PCDH15: variants seen among roughly 807,000 people sequenced by gnomAD.
PCDH15 encodes protocadherin-15.
PCDH15 carries 129 observed loss-of-function variants against 178.5 expected under a neutral mutation model. The observed-to-expected ratio is 0.72, with a 90% CI of 0.63 to 0.84. PCDH15 has a LOEUF of 0.84. PCDH15 is among the 40% of genes least tolerant of loss of function. PCDH15 has a pLI of 0.00. For missense variants in PCDH15, 2,230 were observed against 2,099.9 expected (o/e 1.06, Z -1.21); for synonymous variants, 800 against 732.0 (o/e 1.09, Z -1.50).
intron 32 of PCDH15, among the ~76,000 whole-genome samples, chr10:53,825,895 A>G (rs1412508699): frequency 3.3e-5 from 5 of 151,540 alleles, no homozygotes; most frequent in Non-Finnish European, 5.9e-5. Flanking sequence ...TTCAAGTAAA[A>G]ATAATCTTAG....
intron 3 of PCDH15, among the ~76,000 whole-genome samples, chr10:54,820,037 C>G (rs1439127437): frequency 6.6e-6 from 1 of 151,708 alleles, no homozygotes; most frequent in African/African-American, 2.4e-5. Flanking sequence ...AAGCAATGGT[C>G]AAGAAATCAT....
At chr10:54,079,629 G>T (rs537125861) in intron 16 of PCDH15, among the ~76,000 whole-genome samples, 1 of 152,130 alleles carries the variant, frequency 6.6e-6, no homozygotes, top group Non-Finnish European at 1.5e-5. Context: ...CAGTATCCAT[G>T]AAACTGACAC....
At chr10:54,223,374 C>T (rs1309901312) in intron 9 of PCDH15, among the ~76,000 whole-genome samples, 3 of 145,798 alleles carry the variant, frequency 2.1e-5, no homozygotes, top group Non-Finnish European at 3.0e-5. Context: ...CCAATATTAT[C>T]TTTTAGATGC....
At chr10:54,787,239 G>T (rs1950965991) in intron 1 of PCDH15, among the ~76,000 whole-genome samples, 1 of 149,692 alleles carries the variant, frequency 6.7e-6, no homozygotes, top group Admixed American at 6.7e-5. Context: ...CATTTAAAAG[G>T]TTTCCAAAAT....
chr10:54,449,622 T>C (rs2076345202), intron 3 of PCDH15, among the ~76,000 whole-genome samples: 1 of 151,846 alleles, frequency 6.6e-6, no homozygotes, highest in Non-Finnish European at 1.5e-5. Context: ...AAGATTCTAA[T>C]AACAAGAAAA....
At chr10:54,517,364 A>C (rs2082340439) in intron 3 of PCDH15, among the ~76,000 whole-genome samples, 2 of 152,078 alleles carry the variant, frequency 1.3e-5, no homozygotes, top group South Asian at 4.2e-4. Context: ...GGATGGAGGA[A>C]GATCTACCAA....
intron 1 of PCDH15, among the ~76,000 whole-genome samples, chr10:54,707,126 T>C (rs1565995365): frequency 2.0e-5 from 3 of 152,160 alleles, no homozygotes; most frequent in Non-Finnish European, 2.9e-5. Flanking sequence ...TAAATGAAAC[T>C]GGACCATGGA....
intron 2 of PCDH15, among the ~76,000 whole-genome samples, chr10:55,604,658 C>T (rs1177087137): frequency 2.8e-4 from 41 of 143,986 alleles, no homozygotes; most frequent in Admixed American, 4.2e-4. Flanking sequence ...GGGTACATAA[C>T]GAAATGAAGG....
In PCDH15 at chr10:55,165,171, G is replaced by A. The variant is rs546354443; in HGVS notation, c.-80+1405C>T. 3.3e-5 allele frequency among the ~76,000 whole-genome samples: 5 copies of A among 151,882 alleles called. 1 individual carries two copies. The highest frequency in any genetic ancestry group is 1.9e-4 in the East Asian group (1 of 5,170). Reference sequence around the variant, plus strand: ...GAAAATTTTGTCTTTTCAAGTATTCGTTTCATGATTTTGTATACTCAACAA... The same window carrying A: ...GAAAATTTTGTCTTTTCAAGTATTCATTTCATGATTTTGTATACTCAACAA... On this transcript the variant is annotated intron_variant, in intron 2 of 5. Coordinates refer to the PCDH15 transcript ENST00000458638.
intron 3 of PCDH15, among the ~76,000 whole-genome samples, chr10:54,869,752 A>T (rs1189946673): frequency 1.3e-5 from 2 of 152,222 alleles, no homozygotes. Flanking sequence ...TGACTCTACA[A>T]GAGTGATCCC....
chr10:54,907,000 G>A (rs1954735347), intron 2 of PCDH15, among the ~76,000 whole-genome samples: 1 of 151,984 alleles, frequency 6.6e-6, no homozygotes, highest in Non-Finnish European at 1.5e-5. Context: ...CAATATATTG[G>A]CCACAAACCT....
intron 1 of PCDH15, among the ~76,000 whole-genome samples, chr10:54,794,180 G>A (rs1390478817): frequency 6.8e-6 from 1 of 147,312 alleles, no homozygotes; most frequent in Non-Finnish European, 1.5e-5. Context: ...CATCAAAATG[G>A]CAACTATTTA....
At chr10:54,970,549 G>C (rs758512414) in intron 2 of PCDH15, among the ~76,000 whole-genome samples, 1 of 152,046 alleles carries the variant, frequency 6.6e-6, no homozygotes, top group Admixed American at 6.6e-5. Flanking sequence ...TTTATCTGTA[G>C]ATTTTTTTCT....
intron 3 of PCDH15, among the ~76,000 whole-genome samples, chr10:54,416,816 T>C (rs1399451560): frequency 2.0e-5 from 3 of 152,208 alleles, no homozygotes; most frequent in Admixed American, 2.0e-4. Flanking sequence ...TAGTCGCTAT[T>C]CTGACTGGCA....
intron 1 of PCDH15, among the ~76,000 whole-genome samples, chr10:54,665,818 T>C (rs569255404): frequency 3.3e-5 from 5 of 152,024 alleles, no homozygotes; most frequent in Non-Finnish European, 5.9e-5. Context: ...TTATAATTTC[T>C]AGGGACAGAA....
chr10:54,545,249 A>G (rs2133061531), intron 2 of PCDH15, among the ~76,000 whole-genome samples: 2 of 152,294 alleles, frequency 1.3e-5, no homozygotes, highest in East Asian at 3.9e-4. Flanking sequence ...TAGCTTCAAT[A>G]CTACTTTGTT....
intron 2 of PCDH15, among the ~76,000 whole-genome samples, chr10:55,521,025 T>C (rs1841162549): frequency 6.6e-6 from 1 of 151,992 alleles, no homozygotes; most frequent in African/African-American, 2.4e-5. Context: ...ACAGTCACCA[T>C]GCTGTATATT....
At chr10:53,914,231 A>C (rs1006930150) in intron 25 of PCDH15, among the ~76,000 whole-genome samples, 33 of 152,302 alleles carry the variant, frequency 2.2e-4, no homozygotes, top group Non-Finnish European at 7.4e-5. Flanking sequence ...CTAGAGCTAG[A>C]AATACCATTT....
At chr10:54,236,071 T>C (rs2054597357) in intron 9 of PCDH15, among the ~76,000 whole-genome samples, 1 of 152,192 alleles carries the variant, frequency 6.6e-6, no homozygotes, top group African/African-American at 2.4e-5. Flanking sequence ...GGTTGAGGGC[T>C]AATGCTGAAC....
Sources: allele counts gnomAD v4.1 joint callset (sites outside exome capture counted in the v4.1 genomes callset), GRCh38; gene constraint gnomAD v4.1.1; transcripts MANE v1.5; gene names NCBI Gene and HGNC (gene_info 2026-07-23, HGNC 2026-07-21).